The following STAM variants were observed in gnomAD, a reference collection of about 807,000 sequenced individuals.
The protein encoded by STAM is signal transducing adapter molecule 1.
Under a neutral mutation model 63.4 loss-of-function variants are expected in STAM, and 16 were observed. That is an observed-to-expected ratio of 0.25 (90% CI 0.17 to 0.38). STAM has a LOEUF of 0.38. Among genes scored for constraint, STAM ranks in the 10% least tolerant of loss-of-function variants. The pLI, the probability that STAM is intolerant of heterozygous loss-of-function variation, is 1.00. For synonymous variants in STAM, 238 were observed against 223.9 expected (o/e 1.06, Z -0.56); for missense variants, 636 against 657.1 (o/e 0.97, Z 0.35).
chr10:17,653,112 G>A (rs1317758750), intron 1 of STAM, among the ~76,000 whole-genome samples: 2 of 152,116 alleles, frequency 1.3e-5, no homozygotes, highest in African/African-American at 2.4e-5. Flanking sequence ...GTGATTAAAG[G>A]ATTTGGGCTT....
chr10:17,655,768 C>G (rs967986229), intron 1 of STAM, among the ~76,000 whole-genome samples: 1 of 152,114 alleles, frequency 6.6e-6, no homozygotes, highest in Non-Finnish European at 1.5e-5. Flanking sequence ...CACTGTCCCC[C>G]CAACCCATCT....
intron 2 of STAM, among the ~76,000 whole-genome samples, chr10:17,662,407 T>C (rs1834207811): frequency 6.6e-6 from 1 of 152,170 alleles, no homozygotes; most frequent in Admixed American, 6.5e-5. Context: ...AGCCTTTCCT[T>C]ATCCCCTTTA....
chr10:17,644,441 C>T (rs1294394809), intron 1 of STAM, 62 bp downstream of exon 1: 1 of 1,603,058 alleles, frequency 6.2e-7, no homozygotes, highest in Non-Finnish European at 8.5e-7. Context: ...TCTGCCAGCC[C>T]CTGCCTGCAT....
rs1346002946 is a variant in STAM, at chr10:17,653,207, A to G, written c.41-7257A>G. Among the ~76,000 whole-genome samples, 5 of 152,168 alleles carry G rather than the reference A, an allele frequency of 3.3e-5. No individual in the cohort carries two copies. The East Asian group carries it at 7.7e-4, about 23-fold the overall frequency. ...CCTATTTCATAAATCATACCTATAT[A>G]ATGACACCCCAATTGTAGAATCCAT... On this transcript the variant is annotated intron_variant, in intron 1 of 13. Coordinates refer to ENST00000377524, the MANE Select transcript of STAM (RefSeq NM_003473.4).
rs1169255322 is a variant in STAM, at chr10:17,714,964, C to CCG, written c.*185_*186insGC. 9.9e-6 allele frequency: 6 copies of CCG among 603,802 alleles called. No homozygotes were observed. The highest frequency in any genetic ancestry group is 8.5e-5 in the East Asian group (3 of 35,442). The allele number at this position is 603,802 out of a possible 1,614,324, so 37.4% of individuals were successfully genotyped here. ...ACTGACTTTTTAGAGGTTCTTCCCC[C>CCG]CCCGCCCCTGCAGAGGAATGAAACT... is the stretch of plus-strand genomic sequence containing the variant. On this transcript the variant is annotated 3_prime_UTR_variant, in exon 14 of 14. Transcript: ENST00000377524.
At chr10:17,699,513 T>C (rs1200295583) in intron 8 of STAM, among the ~76,000 whole-genome samples, 1 of 152,182 alleles carries the variant, frequency 6.6e-6, no homozygotes, top group Non-Finnish European at 1.5e-5. Context: ...CTTTGGTGAG[T>C]AGGAGAAATC....
chr10:17,657,968 G>A (rs1181011611), intron 1 of STAM, among the ~76,000 whole-genome samples: 8 of 151,320 alleles, frequency 5.3e-5, no homozygotes, highest in African/African-American at 7.3e-5. Flanking sequence ...AGATTCATTG[G>A]TTTCTGCTCT....
chr10:17,708,552 A>T (rs781837138), intron 12 of STAM, among the ~76,000 whole-genome samples: 2 of 152,242 alleles, frequency 1.3e-5, no homozygotes, highest in Non-Finnish European at 2.9e-5. Flanking sequence ...TTCAGTATGG[A>T]GATAACATGA....
chr10:17,705,825 T>G, intron 12 of STAM, 84 bp downstream of exon 12: 1 of 1,369,072 alleles, frequency 7.3e-7, no homozygotes, highest in East Asian at 2.4e-5. Context: ...CTCAGCAATT[T>G]GGGAGGCCAA....
intron 1 of STAM, among the ~76,000 whole-genome samples, chr10:17,654,196 A>T (rs1554821876): frequency 6.6e-6 from 1 of 151,780 alleles, no homozygotes; most frequent in African/African-American, 2.4e-5. Flanking sequence ...TTTGAAAACC[A>T]TTAAACCAGG....
chr10:17,655,768 C>A (rs967986229), intron 1 of STAM, among the ~76,000 whole-genome samples: 6 of 152,114 alleles, frequency 3.9e-5, no homozygotes, highest in Admixed American at 2.0e-4. Context: ...CACTGTCCCC[C>A]CAACCCATCT....
Position 17,683,630 on chromosome 10 carries a change from AT to A in STAM, c.126-1038del, listed in dbSNP as rs535076361. Among the ~76,000 whole-genome samples, 61 of 151,710 alleles carry A rather than the reference AT, an allele frequency of 4.0e-4. 1 individual carries two copies. In the South Asian group the frequency reaches 0.012, roughly 30 times the overall value. On this transcript the variant is annotated intron_variant, in intron 2 of 13. Coordinates refer to ENST00000377524, the MANE Select transcript of STAM (RefSeq NM_003473.4). Reference sequence around the variant, plus strand: ...TTCCATCCACTTTTTAATTTTACATATTTTTTTGTCTCTAGACTTTTATCTG... The same window carrying A: ...TTCCATCCACTTTTTAATTTTACATATTTTTTGTCTCTAGACTTTTATCTG...
intron 1 of STAM, among the ~76,000 whole-genome samples, chr10:17,657,802 A>G (rs1335430057): frequency 6.7e-6 from 1 of 148,768 alleles, no homozygotes; most frequent in East Asian, 2.0e-4. Context: ...GTTTGTAGTG[A>G]TGTCCCTTCT....
rs546492796 is a variant in STAM, at chr10:17,644,949, G to C, written c.40+570G>C. On this transcript the variant is annotated intron_variant, in intron 1 of 13. Coordinates refer to ENST00000377524, the MANE Select transcript of STAM (RefSeq NM_003473.4). ...ACGACTGAAACCGAATTGAGGACCT[G>C]AGCCTTTGGGATGTCTCTCTTAGGC... 5.9e-5 allele frequency among the ~76,000 whole-genome samples: 9 copies of C among 152,334 alleles called. No homozygotes were observed. In the South Asian group the frequency reaches 1.9e-3, roughly 32 times the overall value.
chr10:17,652,686 A>C (rs1057379816), intron 1 of STAM, among the ~76,000 whole-genome samples: 1 of 152,162 alleles, frequency 6.6e-6, no homozygotes, highest in Non-Finnish European at 1.5e-5. Context: ...CTTGGCTACC[A>C]GTCAGTGAGA....
rs1554827266 is a variant in STAM, at chr10:17,694,989, CTT to C, written c.536-59_536-58del. On this transcript the variant is annotated intron_variant, in intron 6 of 13. Transcript: ENST00000377524. ...CCTTTTATCTTGATGTCTTTTTCTA[CTT>C]CTTCAGACTGTTGGATATAATAACA... 2.0e-6 allele frequency: 3 copies of C among 1,490,540 alleles called. No homozygotes were observed. In the African/African-American group the frequency reaches 4.2e-5, roughly 21 times the overall value. 92.3% of individuals were successfully genotyped at this position (1,490,540 alleles called of 1,614,324 possible).
intron 2 of STAM, among the ~76,000 whole-genome samples, chr10:17,678,865 T>C (rs1554824955): frequency 6.6e-6 from 1 of 152,176 alleles, no homozygotes; most frequent in Non-Finnish European, 1.5e-5. Context: ...CTCATGGAAG[T>C]GGAAACATAG....
At position 17,681,332 on chromosome 10, in the gene STAM, A is replaced by AT. The variant is rs552647657; in HGVS notation, c.126-3336dup. 1.8e-3 allele frequency among the ~76,000 whole-genome samples: 261 copies of AT among 143,864 alleles called. 1 individual carries two copies. The highest frequency in any genetic ancestry group is 5.6e-4 in the Non-Finnish European group (37 of 65,760). The allele number at this position is 143,864 out of a possible 152,430, so 94.4% of individuals were successfully genotyped here. A position where few individuals can be genotyped will look rare whatever the true frequency, so the allele number is the denominator to read the frequency against. ...AAAGTATTTTCTAATTTCCCCTGTG[A>AT]TTTTTTTCATTGACCCATTGGCTAT... On this transcript the variant is annotated intron_variant, in intron 2 of 13. Coordinates refer to ENST00000377524, the MANE Select transcript of STAM (RefSeq NM_003473.4).
At chr10:17,694,620 T>C (rs936101829) in intron 6 of STAM, among the ~76,000 whole-genome samples, 9 of 152,306 alleles carry the variant, frequency 5.9e-5, no homozygotes, top group Admixed American at 6.5e-5. Context: ...CAATAAAATC[T>C]CGATTCTCCA....
Sources: allele counts gnomAD v4.1 joint callset (sites outside exome capture counted in the v4.1 genomes callset), GRCh38; gene constraint gnomAD v4.1.1; transcripts MANE v1.5; gene names NCBI Gene and HGNC (gene_info 2026-07-23, HGNC 2026-07-21).